DOP1B: variants seen among roughly 807,000 people sequenced by gnomAD.
DOP1B encodes protein DOP1B.
Under a neutral mutation model 233.5 loss-of-function variants are expected in DOP1B, and 174 were observed. The observed-to-expected ratio is 0.75, with a 90% confidence interval of 0.66 to 0.85. The LOEUF (loss-of-function observed/expected upper bound fraction) is 0.85. Among genes scored for constraint, DOP1B ranks in the 40% least tolerant of loss-of-function variants. DOP1B has a pLI of 0.00. For synonymous variants in DOP1B, 1,190 were observed against 1,185.6 expected, an observed-to-expected ratio of 1.00 and a Z score of -0.08; for missense variants, 2,652 against 2,846.6, an observed-to-expected ratio of 0.93 and a Z score of 1.56.
chr21:36,172,194 G>A (rs921023358), intron 2 of DOP1B, among the ~76,000 whole-genome samples: 6 of 152,106 alleles, frequency 3.9e-5, no homozygotes, highest in African/African-American at 1.4e-4. Flanking sequence ...TGCTCTGGCG[G>A]GGAGGGGAAG....
intron 11 of DOP1B, 133 bp downstream of exon 11, chr21:36,223,483 A>T: frequency 8.5e-7 from 1 of 1,178,100 alleles, no homozygotes. Context: ...TTAAAATTCA[A>T]CTAAAACAGG....
Position 36,213,937 on chromosome 21 carries a change from C to T in DOP1B, c.905-144C>T, listed in dbSNP as rs1043683692. ...CACACCACTGTCAGAAGAAGAAAAT[C>T]TGACGTGGTCTTTCTGGATCTGATT... On this transcript the variant is annotated intron_variant, in intron 7 of 36. Coordinates refer to ENST00000691173, the MANE Select transcript of DOP1B (RefSeq NM_001320714.2). 4.7e-6 allele frequency: 3 copies of T among 635,988 alleles called. No individual in the cohort carries two copies. The South Asian group carries it at 6.0e-5, about 13-fold the overall frequency. The allele number at this position is 635,988 out of a possible 1,614,324, so 39.4% of individuals were successfully genotyped here.
chr21:36,255,172 G>T (rs949295788), intron 23 of DOP1B, among the ~76,000 whole-genome samples: 1 of 150,252 alleles, frequency 6.7e-6, no homozygotes, highest in East Asian at 2.0e-4. Flanking sequence ...TCACTTTGTC[G>T]CCCAGGCTGG....
intron 17 of DOP1B, 37 bp from the exon 18 acceptor site, chr21:36,239,728 G>A: frequency 1.3e-6 from 2 of 1,495,852 alleles, no homozygotes; most frequent in Non-Finnish European, 1.8e-6. Flanking sequence ...CACAGGGGTG[G>A]CTGCGAGTGA....
chr21:36,200,031 G>A (rs2066342837), intron 3 of DOP1B, among the ~76,000 whole-genome samples: 1 of 152,296 alleles, frequency 6.6e-6, no homozygotes, highest in East Asian at 1.9e-4. Context: ...CACAATGGTT[G>A]AACTAGTTAA....
rs748850000 is a variant in DOP1B at position 36,263,622 on chromosome 21, G to GC, written c.5396dup (p.Pro1800ThrfsTer12). On this transcript the variant is annotated frameshift_variant, in exon 25 of 37. Coordinates refer to ENST00000691173, the MANE Select transcript of DOP1B (RefSeq NM_001320714.2). LOFTEE classifies it high-confidence loss of function. The stretch of plus-strand genomic sequence containing the variant: ...GAAAGAGTCTGTACAGTTGAATCTA[G>GC]CCCCACCTGGGTATTTTCTGCTTCT... The GC allele has an allele frequency of 5.6e-6, 9 of 1,614,126 alleles. No homozygotes were observed. Among genetic ancestry groups the GC allele is most frequent in the Non-Finnish European group, 6.8e-6 (8 of 1,180,012 alleles).
At position 36,248,543 on chromosome 21, in the gene DOP1B, C is replaced by T. The variant is rs757850750; in HGVS notation, c.4973C>T (p.Ser1658Phe). Residue 1658 changes from serine to phenylalanine, a missense_variant, in exon 21 of 37, where the codon TCT (serine) becomes TTT (phenylalanine). This residue lies in a region of DOP1B where 2,617 missense variants were observed against 2,794.3 expected (regional missense o/e 0.94). Coordinates refer to ENST00000691173, the MANE Select transcript of DOP1B (RefSeq NM_001320714.2). Reference sequence around the variant, plus strand: ...CTCCTAGGGGCCACGAAGGGATCCTCTTCCGTTTACTTTAAAACCACCAAA... The same window carrying T: ...CTCCTAGGGGCCACGAAGGGATCCTTTTCCGTTTACTTTAAAACCACCAAA... Reference protein sequence around the residue: ...VDLLGATKGSSSVYFKTTKTI... With the variant: ...VDLLGATKGSFSVYFKTTKTI... The T allele has an allele frequency of 1.2e-6, 2 of 1,610,256 alleles. No individual in the cohort carries two copies. Among genetic ancestry groups the T allele is most frequent in the South Asian group, 2.2e-5 (2 of 90,232 alleles).
intron 36 of DOP1B, 23 bp downstream of exon 36, chr21:36,292,256 C>CTTTTT (rs55884666): frequency 3.4e-4 from 455 of 1,335,032 alleles, no homozygotes; most frequent in South Asian, 8.2e-4. Context: ...CTTTTCTTTT[C>CTTTTT]TTTTTTTTTT....
intron 24 of DOP1B, chr21:36,260,947 C>T (rs1476557408): frequency 1.1e-5 from 15 of 1,356,448 alleles, no homozygotes; most frequent in Non-Finnish European, 1.4e-5. Context: ...GTACTTTGAA[C>T]ACTTTATATG....
At chr21:36,229,605 A>G (rs2066734883) in intron 13 of DOP1B, among the ~76,000 whole-genome samples, 1 of 148,176 alleles carries the variant, frequency 6.7e-6, no homozygotes, top group Non-Finnish European at 1.5e-5. Context: ...ACTTCAACCT[A>G]TTTTTGGGGG....
At chr21:36,286,796 C>T (rs150770333) in intron 32 of DOP1B, among the ~76,000 whole-genome samples, 4,637 of 152,032 alleles carry the variant, frequency 0.031, 240 homozygotes, top group African/African-American at 0.11. Flanking sequence ...AACCCTATCT[C>T]TACTAAAAAT....
Position 36,245,900 on chromosome 21 carries a change from C to T in DOP1B, c.3920C>T (p.Pro1307Leu). 1 of 1,613,796 alleles carries T rather than the reference C, an allele frequency of 6.2e-7. No homozygotes were observed. Among genetic ancestry groups the T allele is most frequent in the Non-Finnish European group, 8.5e-7 (1 of 1,180,026 alleles). ...KLQTQVPNVC[P>L]HSLLLELLTY... ...CAGACCCAGGTCCCCAACGTGTGCC[C>T]CCACTCTCTGCTCCTGGAGCTGCTC... Residue 1307 changes from proline (P) to leucine (L), a missense_variant, in exon 19 of 37, where the codon CCC (proline) becomes CTC (leucine). Pro to Leu is a moderately conservative substitution (Grantham distance 98). This residue lies in a region of DOP1B where 2,617 missense variants were observed against 2,794.3 expected (regional missense o/e 0.94). Coordinates refer to ENST00000691173, the MANE Select transcript of DOP1B (RefSeq NM_001320714.2). The surrounding 1 kb of genome is among the most constrained non-coding windows in gnomAD (Gnocchi z 5.5).
intron 23 of DOP1B, among the ~76,000 whole-genome samples, chr21:36,260,064 G>A (rs561651944): frequency 7.9e-5 from 12 of 151,810 alleles, no homozygotes; most frequent in African/African-American, 2.4e-4. Context: ...GCTGAGGCAC[G>A]AGGATCGCTT....
At chr21:36,189,899 A>G (rs535445546) in intron 2 of DOP1B, among the ~76,000 whole-genome samples, 41 of 150,668 alleles carry the variant, frequency 2.7e-4, no homozygotes, top group Non-Finnish European at 4.9e-4. Context: ...AGTCCCAGCT[A>G]CCTGGGAGAC....
chr21:36,170,103 A>G, intron 2 of DOP1B: 1 of 621,114 alleles, frequency 1.6e-6, no homozygotes, highest in South Asian at 1.6e-5. Context: ...TCACCTTCCC[A>G]CGTTGCCTAT....
In DOP1B at chr21:36,280,278, T is replaced by C; in HGVS notation, c.5970-7T>C. The C allele has an allele frequency of 1.3e-6, 2 of 1,593,714 alleles. No individual in the cohort carries two copies. The highest frequency in any genetic ancestry group is 1.3e-5 in the African/African-American group (1 of 74,358). On this transcript the variant is annotated splice_region_variant and splice_polypyrimidine_tract_variant and intron_variant, in intron 30 of 36. Transcript: ENST00000691173. ...ATTTAATTGATTTTGCTTTCTTTAA[T>C]ATCCAGTTGGAAGTCCATTATTGAC...
At chr21:36,221,527 A>T (rs922896370) in intron 10 of DOP1B, among the ~76,000 whole-genome samples, 9 of 151,846 alleles carry the variant, frequency 5.9e-5, no homozygotes, top group Non-Finnish European at 1.2e-4. Flanking sequence ...ATCCTGACTG[A>T]CCAATTTCTT....
chr21:36,193,984 G>C (rs188079155), intron 2 of DOP1B, among the ~76,000 whole-genome samples: 1 of 152,122 alleles, frequency 6.6e-6, no homozygotes, highest in Non-Finnish European at 1.5e-5. Context: ...TTGTAACTTC[G>C]TGAGGTATCA....
Position 36,287,675 on chromosome 21 carries a change from C to T in DOP1B, c.6161-339C>T, listed in dbSNP as rs184461899. On this transcript the variant is annotated intron_variant, in intron 32 of 36. Transcript: ENST00000691173. ...GATCTCGGCCCACTGCAACCTCTAC[C>T]TCCCAGGTTCAAGCGATTCTCCTGC... Among the ~76,000 whole-genome samples, 20 of 142,224 alleles carry T rather than the reference C, an allele frequency of 1.4e-4. No individual in the cohort carries two copies. The East Asian group carries it at 3.9e-3, about 28-fold the overall frequency. The allele number at this position is 142,224 out of a possible 152,430, so 93.3% of individuals were successfully genotyped here.
Sources: gnomAD v4.1 joint callset for allele counts (sites outside exome capture counted in the v4.1 genomes callset) on GRCh38, gnomAD v4.1.1 for gene constraint, gnomAD v4.1.1 regional missense constraint, Gnocchi (gnomAD v3.1) non-coding constraint, MANE v1.5 for transcripts, NCBI Gene and HGNC (gene_info 2026-07-23, HGNC 2026-07-21) for gene names.